NDC1: variants seen among roughly 807,000 people sequenced by gnomAD.
The protein encoded by NDC1 is nucleoporin NDC1.
NDC1 carries 24 observed loss-of-function variants against 89.8 expected under a neutral mutation model. The observed-to-expected ratio is 0.27, with a 90% CI of 0.19 to 0.38. The LOEUF is 0.38. Ranked by LOEUF, NDC1 falls within the 10% of genes least tolerant of loss-of-function variation. NDC1 has a pLI of 1.00. For missense variants in NDC1, 728 were observed against 797.6 expected, an observed-to-expected ratio of 0.91 and a Z score of 1.05; for synonymous variants, 296 against 284.8, an observed-to-expected ratio of 1.04 and a Z score of -0.39.
intron 4 of NDC1, among the ~76,000 whole-genome samples, chr1:53,826,943 G>A (rs1260020729): frequency 1.3e-5 from 2 of 152,184 alleles, no homozygotes; most frequent in African/African-American, 4.8e-5. Context: ...GTAGCTTACT[G>A]CTGCCTTCTG....
In NDC1 at chr1:53,800,648, A is replaced by G. The variant is rs1647877203; in HGVS notation, c.1222+45T>C. On this transcript the variant is annotated intron_variant, in intron 11 of 17. Coordinates refer to ENST00000371429, the MANE Select transcript of NDC1 (RefSeq NM_018087.5). ...TCTACTACAGTCATCTTTCTTAGGA[A>G]ATAAAATGTAAATGTTTTCCCCTCT... The G allele has an allele frequency of 1.9e-6, 3 of 1,601,518 alleles. No homozygotes were observed. In the African/African-American group the frequency reaches 4.0e-5, roughly 21 times the overall value.
intron 16 of NDC1, among the ~76,000 whole-genome samples, chr1:53,781,720 C>T (rs2100630780): frequency 6.6e-6 from 1 of 152,334 alleles, no homozygotes. Context: ...ACGCTCTTCA[C>T]TTTGATCCCT....
At chr1:53,823,571 T>C (rs891611338) in intron 5 of NDC1, among the ~76,000 whole-genome samples, 4 of 152,226 alleles carry the variant, frequency 2.6e-5, no homozygotes, top group African/African-American at 9.6e-5. Context: ...CATGGTCACT[T>C]TCAACTGGGG....
intron 11 of NDC1, among the ~76,000 whole-genome samples, chr1:53,798,519 C>A (rs141635846): frequency 1.6e-3 from 244 of 151,242 alleles, no homozygotes; most frequent in African/African-American, 5.9e-3. Flanking sequence ...AATTAAACAT[C>A]CCAAGTACCA....
chr1:53,799,836 C>A (rs917233803), intron 11 of NDC1, among the ~76,000 whole-genome samples: 12 of 152,200 alleles, frequency 7.9e-5, no homozygotes, highest in African/African-American at 2.9e-4. Context: ...TCATAGGTGT[C>A]TTCTACCTAA....
At chr1:53,781,693 CAGAGATA>C (rs1647208938) in intron 16 of NDC1, among the ~76,000 whole-genome samples, 1 of 152,004 alleles carries the variant, frequency 6.6e-6, no homozygotes, top group Non-Finnish European at 1.5e-5. Context: ...CCTTAAATTA[CAGAGATA>C]CTTAAACTTA....
chr1:53,796,138 C>T (rs998962654), intron 13 of NDC1, among the ~76,000 whole-genome samples: 1 of 152,208 alleles, frequency 6.6e-6, no homozygotes, highest in African/African-American at 2.4e-5. Flanking sequence ...GATACCCTCT[C>T]CCTTAGGAAC....
chr1:53,814,542 A>G (rs1439613657), intron 6 of NDC1, among the ~76,000 whole-genome samples: 2 of 152,154 alleles, frequency 1.3e-5, no homozygotes, highest in African/African-American at 4.8e-5. Flanking sequence ...TCAAGGAACT[A>G]GAGAAATAAC....
In NDC1 at chr1:53,773,408, C is replaced by T. The variant is rs1306712259; in HGVS notation, c.1801-919G>A. Among the ~76,000 whole-genome samples the T allele has an allele frequency of 4.6e-5, 7 of 152,176 alleles. No individual in the cohort carries two copies. The South Asian group carries it at 1.2e-3, about 27-fold the overall frequency. ...ATTTTTGTTTCAAAGATGCAATATCCTTTCTTATTTCTAAGGATTCTGATG... is the reference window on the plus strand; with the variant it reads ...ATTTTTGTTTCAAAGATGCAATATCTTTTCTTATTTCTAAGGATTCTGATG... On this transcript the variant is annotated intron_variant, in intron 16 of 17. Transcript: ENST00000371429.
intron 5 of NDC1, among the ~76,000 whole-genome samples, chr1:53,824,563 T>C (rs534785460): frequency 2.0e-5 from 3 of 152,316 alleles, no homozygotes; most frequent in Non-Finnish European, 2.9e-5. Flanking sequence ...TGCCAGGGCA[T>C]GAATGAAGCA....
In NDC1 at chr1:53,806,469, A is replaced by G. The variant is rs1648113678; in HGVS notation, c.940T>C (p.Cys314Arg). 2.6e-6 allele frequency: 4 copies of G among 1,539,482 alleles called. No homozygotes were observed. Among genetic ancestry groups the G allele is most frequent in the African/African-American group, 1.4e-5 (1 of 70,580 alleles). The stretch of plus-strand genomic sequence containing the variant: ...TTGCTATTTAACACTTTTGGAAGGC[A>G]CTCATCTGACCCTTCTGCAAATGGT... ...QPPFAEGSDE[C>R]LPKVLNSNPP... The change falls in exon 9 of 18, where the codon TGC becomes CGC. Residue 314 changes from cysteine (C) to arginine (R), a missense_variant. Coordinates refer to ENST00000371429, the MANE Select transcript of NDC1 (RefSeq NM_018087.5).
At chr1:53,795,380 C>T (rs1647663020) in intron 13 of NDC1, among the ~76,000 whole-genome samples, 1 of 152,186 alleles carries the variant, frequency 6.6e-6, no homozygotes, top group South Asian at 2.1e-4. Context: ...CCCTACACTA[C>T]CGCTATATGC....
In NDC1 at chr1:53,809,683, G is replaced by T; in HGVS notation, c.755+12C>A. Reference sequence around the variant, plus strand: ...AACAGAGTTAAAATTAGACTTTTTAGGTATCACTTACTCATCTATGTGAAG... The same window carrying T: ...AACAGAGTTAAAATTAGACTTTTTATGTATCACTTACTCATCTATGTGAAG... On this transcript the variant is annotated intron_variant, in intron 7 of 17. Transcript: ENST00000371429. The T allele has an allele frequency of 6.3e-7, 1 of 1,578,486 alleles. No homozygotes were observed. The highest frequency in any genetic ancestry group is 1.1e-5 in the South Asian group (1 of 89,062).
At chr1:53,797,884 CCCAAAG>C (rs1647774243) in intron 11 of NDC1, among the ~76,000 whole-genome samples, 1 of 151,906 alleles carries the variant, frequency 6.6e-6, no homozygotes, top group Non-Finnish European at 1.5e-5. Context: ...GCACTGGCCT[CCCAAAG>C]TGCTAGAATT....
chr1:53,824,135 T>A (rs1371225436), intron 5 of NDC1, among the ~76,000 whole-genome samples: 1 of 148,804 alleles, frequency 6.7e-6, no homozygotes, highest in Admixed American at 6.8e-5. Flanking sequence ...TCAGGAGGAC[T>A]GAGGTAGGAG....
intron 4 of NDC1, 43 bp downstream of exon 4, chr1:53,827,956 G>C (rs369070928): frequency 2.1e-5 from 31 of 1,480,376 alleles, no homozygotes; most frequent in Non-Finnish European, 2.7e-5. Flanking sequence ...CTTTGGCTTA[G>C]TAAGTAAATG....
rs1158004039 is a variant in NDC1 at position 53,835,532 on chromosome 1, A to G, written c.146T>C (p.Ile49Thr). 1.2e-6 allele frequency: 2 copies of G among 1,613,634 alleles called. No homozygotes were observed. The change falls in exon 2 of 18, where the codon ATT (isoleucine) becomes ACT (threonine). Residue 49 changes from isoleucine (I) to threonine (T), a missense_variant. Ile to Thr is a moderately conservative substitution (Grantham distance 89, BLOSUM62 -1). Transcript: ENST00000371429. ...CCACTGTATAGGATGAAACAAATCA[A>G]TCCTGCTGAAAATTATAAATACTGT... Reference protein sequence around the residue: ...CTTVFIIFSRIDLFHPIQWLS... With the variant: ...CTTVFIIFSRTDLFHPIQWLS...
At chr1:53,830,313 G>C (rs539645793) in intron 3 of NDC1, among the ~76,000 whole-genome samples, 2 of 151,936 alleles carry the variant, frequency 1.3e-5, no homozygotes, top group South Asian at 4.2e-4. Context: ...AATTAGCCAG[G>C]CATGGTGGCA....
intron 14 of NDC1, among the ~76,000 whole-genome samples, chr1:53,789,754 G>A (rs1284612577): frequency 6.1e-5 from 9 of 148,328 alleles, no homozygotes; most frequent in African/African-American, 2.0e-4. Flanking sequence ...AGCTGAGATC[G>A]CGCCATTGCA....
Sources: gnomAD v4.1 joint callset for allele counts (sites outside exome capture counted in the v4.1 genomes callset) on GRCh38, gnomAD v4.1.1 for gene constraint, MANE v1.5 for transcripts, NCBI Gene and HGNC (gene_info 2026-07-23, HGNC 2026-07-21) for gene names.